LHFPL6: variants seen among roughly 807,000 people sequenced by gnomAD.
LHFPL6 encodes LHFPL tetraspan subfamily member 6 protein.
In LHFPL6, 9 loss-of-function variants were observed where a neutral mutation model predicts 20.6. The observed-to-expected ratio is 0.44, with a 90% CI of 0.26 to 0.76. LHFPL6 has a LOEUF of 0.76. Ranked by LOEUF, LHFPL6 falls within the 30% of genes least tolerant of loss-of-function variation. The pLI is 0.20. For synonymous variants in LHFPL6, 105 were observed against 98.7 expected (o/e 1.06, Z -0.38); for missense variants, 218 against 253.5 (o/e 0.86, Z 0.95).
intron 2 of LHFPL6, among the ~76,000 whole-genome samples, chr13:39,521,914 A>C (rs1426289975): frequency 6.6e-6 from 1 of 152,136 alleles, no homozygotes; most frequent in African/African-American, 2.4e-5. Flanking sequence ...AGTGACGTGA[A>C]AGTTAATGGA....
chr13:39,345,850 G>A (rs1046307483), intron 3 of LHFPL6, among the ~76,000 whole-genome samples: 1 of 152,116 alleles, frequency 6.6e-6, no homozygotes, highest in Non-Finnish European at 1.5e-5. Context: ...TGGAGGGCAG[G>A]TGCAAAGATC....
intron 3 of LHFPL6, among the ~76,000 whole-genome samples, chr13:39,376,264 C>A (rs963375931): frequency 6.6e-6 from 1 of 152,098 alleles, no homozygotes; most frequent in South Asian, 2.1e-4. Context: ...AAGAAAAATG[C>A]CAAGCACTGT....
At chr13:39,367,104 A>C (rs111362462) in intron 3 of LHFPL6, among the ~76,000 whole-genome samples, 1 of 152,232 alleles carries the variant, frequency 6.6e-6, no homozygotes, top group Non-Finnish European at 1.5e-5. Context: ...AGCATATTCA[A>C]TTCACTAGGA....
At chr13:39,482,338 G>A (rs767052824) in intron 2 of LHFPL6, among the ~76,000 whole-genome samples, 1 of 152,092 alleles carries the variant, frequency 6.6e-6, no homozygotes, top group Non-Finnish European at 1.5e-5. Context: ...CCACTACTCA[G>A]GAGGCTGAGG....
intron 3 of LHFPL6, among the ~76,000 whole-genome samples, chr13:39,352,923 AAAT>A (rs1869622203): frequency 3.2e-5 from 1 of 31,618 alleles, no homozygotes; most frequent in Non-Finnish European, 6.4e-5. Context: ...ATATATATAT[AAAT>A]GTATATATAT....
At chr13:39,413,111 T>C (rs147893212) in intron 2 of LHFPL6, among the ~76,000 whole-genome samples, 1 of 152,244 alleles carries the variant, frequency 6.6e-6, no homozygotes, top group African/African-American at 2.4e-5. Context: ...TAATACAAAG[T>C]AGTACAATAT....
chr13:39,464,112 G>A (rs867688411), intron 2 of LHFPL6, among the ~76,000 whole-genome samples: 1 of 152,102 alleles, frequency 6.6e-6, no homozygotes. Context: ...TTTTCAAGTA[G>A]GTCTGTGACT....
intron 2 of LHFPL6, among the ~76,000 whole-genome samples, chr13:39,571,695 A>G (rs1467718643): frequency 6.6e-6 from 1 of 152,210 alleles, no homozygotes; most frequent in Non-Finnish European, 1.5e-5. Context: ...CACCCCACAC[A>G]ACAAGGCAAG....
chr13:39,535,187 G>A (rs1404397885), intron 2 of LHFPL6, among the ~76,000 whole-genome samples: 2 of 152,190 alleles, frequency 1.3e-5, no homozygotes, highest in East Asian at 3.8e-4. Flanking sequence ...CCACCCTAAT[G>A]ACTTTATCTT....
chr13:39,376,447 C>T (rs1870295827), intron 3 of LHFPL6, among the ~76,000 whole-genome samples: 1 of 152,122 alleles, frequency 6.6e-6, no homozygotes, highest in South Asian at 2.1e-4. Context: ...AAAAGGAAAT[C>T]TCTTATTTGT....
intron 2 of LHFPL6, among the ~76,000 whole-genome samples, chr13:39,543,880 A>C (rs927871033): frequency 6.6e-6 from 1 of 152,248 alleles, no homozygotes; most frequent in African/African-American, 2.4e-5. Context: ...TCTTGATGAC[A>C]TGTCTCAGAC....
intron 2 of LHFPL6, among the ~76,000 whole-genome samples, chr13:39,569,978 GA>G (rs1871862644): frequency 6.6e-6 from 1 of 152,188 alleles, no homozygotes; most frequent in Admixed American, 6.5e-5. Flanking sequence ...AATGGTGGAA[GA>G]AAAGGAAATT....
rs191239400 is a variant in LHFPL6 at position 39,451,940 on chromosome 13, G to A, written c.386-73414C>T. On this transcript the variant is annotated intron_variant, in intron 2 of 3. Transcript: ENST00000379589. ...CTACAGGAAATATGTGTGTGTGTGT[G>A]TGTGTGTGCGCATGCACGTGCATAA... 5.5e-3 allele frequency among the ~76,000 whole-genome samples: 830 copies of A among 152,264 alleles called. 7 individuals carry two copies. Among genetic ancestry groups the A allele is most frequent in the African/African-American group, 0.019 (784 of 41,536 alleles).
chr13:39,470,568 T>C (rs1418833233), intron 2 of LHFPL6, among the ~76,000 whole-genome samples: 1 of 152,202 alleles, frequency 6.6e-6, no homozygotes, highest in Non-Finnish European at 1.5e-5. Context: ...GTATCGCATT[T>C]CATCTATGCA....
chr13:39,478,176 A>G (rs555044795), intron 2 of LHFPL6, among the ~76,000 whole-genome samples: 1 of 152,308 alleles, frequency 6.6e-6, no homozygotes, highest in East Asian at 1.9e-4. Flanking sequence ...CTAAGAAGTG[A>G]GGATCCCTGC....
intron 2 of LHFPL6, among the ~76,000 whole-genome samples, chr13:39,389,970 A>G (rs1168869102): frequency 6.6e-6 from 1 of 152,146 alleles, no homozygotes; most frequent in Non-Finnish European, 1.5e-5. Flanking sequence ...CTCTCTCCCC[A>G]CGAGTGCCCT....
At chr13:39,434,676 C>G (rs963072138) in intron 2 of LHFPL6, among the ~76,000 whole-genome samples, 1 of 152,102 alleles carries the variant, frequency 6.6e-6, no homozygotes, top group Non-Finnish European at 1.5e-5. Flanking sequence ...GTTGCAGCAC[C>G]AAACTGTACT....
chr13:39,345,537 A>G (rs111537726), intron 3 of LHFPL6, among the ~76,000 whole-genome samples: 20 of 146,608 alleles, frequency 1.4e-4, no homozygotes, highest in Middle Eastern at 3.5e-3. Flanking sequence ...AAAAAAAAAA[A>G]AAAGAAAGAA....
chr13:39,410,756 G>A (rs947303941), intron 2 of LHFPL6, among the ~76,000 whole-genome samples: 5 of 152,100 alleles, frequency 3.3e-5, no homozygotes, highest in Non-Finnish European at 7.4e-5. Flanking sequence ...AGCCCACAGT[G>A]GCTTCAGGAT....
Sources: allele counts gnomAD v4.1 joint callset (sites outside exome capture counted in the v4.1 genomes callset), GRCh38; gene constraint gnomAD v4.1.1; transcripts MANE v1.5; gene names NCBI Gene and HGNC (gene_info 2026-07-23, HGNC 2026-07-21).